The following KCNH5 variants were observed in gnomAD, a reference collection of about 807,000 sequenced individuals.
The protein encoded by KCNH5 is potassium voltage-gated channel subfamily H member 5.
KCNH5 carries 46 observed loss-of-function variants against 96.1 expected under a neutral mutation model. The observed-to-expected ratio is 0.48, with a 90% confidence interval of 0.38 to 0.61. The LOEUF (loss-of-function observed/expected upper bound fraction) is 0.61. Among genes scored for constraint, KCNH5 ranks in the 20% least tolerant of loss-of-function variants. KCNH5 has a pLI of 0.00. For missense variants in KCNH5, 907 were observed against 1,225.8 expected (o/e 0.74, Z 3.88); for synonymous variants, 439 against 449.8 (o/e 0.98, Z 0.30).
intron 7 of KCNH5, among the ~76,000 whole-genome samples, chr14:62,913,698 T>C (rs1476888901): frequency 1.3e-5 from 2 of 152,190 alleles, no homozygotes; most frequent in Non-Finnish European, 2.9e-5. Flanking sequence ...AACCCAAGCT[T>C]AGATGGCTTT....
intron 5 of KCNH5, among the ~76,000 whole-genome samples, chr14:62,986,769 C>T (rs1890716563): frequency 6.6e-6 from 1 of 152,112 alleles, no homozygotes; most frequent in African/African-American, 2.4e-5. Context: ...ACAGAGCATA[C>T]CCTGAATATG....
At chr14:62,824,652 C>G (rs984057295) in intron 8 of KCNH5, among the ~76,000 whole-genome samples, 3 of 151,984 alleles carry the variant, frequency 2.0e-5, no homozygotes, top group African/African-American at 7.2e-5. Context: ...CAGGGGTACA[C>G]ATGCTGTTTT....
intron 1 of KCNH5, among the ~76,000 whole-genome samples, chr14:63,031,090 T>G (rs1024494849): frequency 2.6e-5 from 4 of 151,708 alleles, no homozygotes; most frequent in Admixed American, 2.6e-4. Context: ...CCAGGAAAAT[T>G]AAAGACTCAT....
In KCNH5 at chr14:62,892,452, A is replaced by G. The variant is rs1888729373; in HGVS notation, c.1370-42600T>C. Among the ~76,000 whole-genome samples the G allele has an allele frequency of 6.6e-5, 10 of 152,360 alleles. No homozygotes were observed. In the South Asian group the frequency reaches 2.1e-3, roughly 32 times the overall value. ...ATAAAGAAGCCATTTCCATAACATG[A>G]AAGTGCAAGGTGAAGCAAGTGCTGA... On this transcript the variant is annotated intron_variant, in intron 7 of 10. Coordinates refer to ENST00000322893, the MANE Select transcript of KCNH5 (RefSeq NM_139318.5).
chr14:62,905,093 G>A (rs181473847), intron 7 of KCNH5, among the ~76,000 whole-genome samples: 45 of 152,224 alleles, frequency 3.0e-4, no homozygotes, highest in African/African-American at 9.4e-4. Context: ...CACGCTTCAG[G>A]TTCTGATGGC....
chr14:62,981,275 G>C lies in KCNH5; in HGVS notation c.550-11C>G, dbSNP rs368371920. 9.9e-6 allele frequency: 16 copies of C among 1,612,918 alleles called. No individual in the cohort carries two copies. The African/African-American group carries it at 2.0e-4, about 20-fold the overall frequency. On this transcript the variant is annotated splice_polypyrimidine_tract_variant and intron_variant, in intron 5 of 10. Transcript: ENST00000322893. ...TCCCAGCTGAAGAACCTAAAAGAGAGAAAATGTATTTATACATGACTAGGT... is the reference window on the plus strand; with the variant it reads ...TCCCAGCTGAAGAACCTAAAAGAGACAAAATGTATTTATACATGACTAGGT...
intron 10 of KCNH5, among the ~76,000 whole-genome samples, chr14:62,758,727 C>T (rs1219383677): frequency 6.6e-6 from 1 of 152,130 alleles, no homozygotes; most frequent in Non-Finnish European, 1.5e-5. Flanking sequence ...ATCTGTTCAG[C>T]ACAACATGAC....
At chr14:62,971,963 C>G (rs185795668) in intron 6 of KCNH5, among the ~76,000 whole-genome samples, 1 of 152,046 alleles carries the variant, frequency 6.6e-6, no homozygotes, top group Non-Finnish European at 1.5e-5. Flanking sequence ...TTTATAGATA[C>G]AACACCAAAG....
At chr14:62,964,589 AG>A (rs1270688259) in intron 6 of KCNH5, among the ~76,000 whole-genome samples, 3 of 152,124 alleles carry the variant, frequency 2.0e-5, no homozygotes, top group Non-Finnish European at 4.4e-5. Flanking sequence ...TCCTAAGTCT[AG>A]GATCCTGACT....
At chr14:63,017,377 G>T (rs115691453) in intron 1 of KCNH5, among the ~76,000 whole-genome samples, 2,414 of 151,840 alleles carry the variant, frequency 0.016, 97 homozygotes, top group East Asian at 0.14. Context: ...ATGACCCCCT[G>T]CAAAAATTAT....
At chr14:62,805,653 T>C (rs1301099139) in intron 8 of KCNH5, among the ~76,000 whole-genome samples, 1 of 152,292 alleles carries the variant, frequency 6.6e-6, no homozygotes, top group African/African-American at 2.4e-5. Flanking sequence ...TGGTCTCACT[T>C]TCCATGTATT....
intron 10 of KCNH5, among the ~76,000 whole-genome samples, chr14:62,710,466 T>G (rs1486468148): frequency 1.3e-5 from 2 of 152,204 alleles, no homozygotes; most frequent in Non-Finnish European, 2.9e-5. Context: ...GTCTTCAAGA[T>G]ATGAACATTC....
intron 10 of KCNH5, among the ~76,000 whole-genome samples, chr14:62,749,389 A>T (rs1944084402): frequency 6.6e-6 from 1 of 152,214 alleles, no homozygotes; most frequent in Non-Finnish European, 1.5e-5. Flanking sequence ...TATTCCCAGA[A>T]GTTTAATGGC....
intron 6 of KCNH5, among the ~76,000 whole-genome samples, chr14:62,973,652 T>C (rs977544767): frequency 6.6e-6 from 1 of 152,144 alleles, no homozygotes; most frequent in South Asian, 2.1e-4. Flanking sequence ...ACCCAACCTG[T>C]GGTATTTTGC....
chr14:62,844,731 G>A (rs1407429573), intron 8 of KCNH5, among the ~76,000 whole-genome samples: 1 of 152,168 alleles, frequency 6.6e-6, no homozygotes, highest in Non-Finnish European at 1.5e-5. Context: ...AAACTTTCAT[G>A]ATAGAAATGC....
intron 7 of KCNH5, among the ~76,000 whole-genome samples, chr14:62,887,225 T>C (rs145589559): frequency 6.6e-6 from 1 of 152,248 alleles, no homozygotes; most frequent in Non-Finnish European, 1.5e-5. Context: ...CAATACCAGT[T>C]TGTATGGTCT....
At chr14:63,036,926 C>T (rs763151259) in intron 1 of KCNH5, among the ~76,000 whole-genome samples, 1 of 151,874 alleles carries the variant, frequency 6.6e-6, no homozygotes, top group African/African-American at 2.4e-5. Flanking sequence ...TTAAGATTTA[C>T]GAGAAGAATG....
At chr14:62,983,956 G>A (rs375970507) in intron 5 of KCNH5, among the ~76,000 whole-genome samples, 21 of 152,114 alleles carry the variant, frequency 1.4e-4, no homozygotes, top group African/African-American at 5.1e-4. Context: ...GGAGGAAAGG[G>A]TAGAGGAGGA....
intron 8 of KCNH5, among the ~76,000 whole-genome samples, chr14:62,831,016 C>T (rs148136208): frequency 6.6e-6 from 1 of 152,092 alleles, no homozygotes; most frequent in Admixed American, 6.6e-5. Context: ...AAAACTGTTT[C>T]CTCTTACCCA....
Sources: gnomAD v4.1 joint callset for allele counts (sites outside exome capture counted in the v4.1 genomes callset) on GRCh38, gnomAD v4.1.1 for gene constraint, MANE v1.5 for transcripts, NCBI Gene and HGNC (gene_info 2026-07-23, HGNC 2026-07-21) for gene names.